Variants in RBMS3 observed in about 807,000 individuals in gnomAD.
RBMS3 encodes RNA-binding motif, single-stranded-interacting protein 3.
A neutral mutation model predicts 66.8 loss-of-function variants in RBMS3; 27 were observed. The ratio of observed to expected loss-of-function variants is 0.40; its 90% CI spans 0.30 to 0.56. The LOEUF is 0.56. RBMS3 is among the 20% of genes least tolerant of loss of function. RBMS3 has a pLI of 0.40. For synonymous variants in RBMS3, 188 were observed against 183.0 expected (o/e 1.03, Z -0.22); for missense variants, 513 against 549.5 (o/e 0.93, Z 0.66).
intron 1 of RBMS3, among the ~76,000 whole-genome samples, chr3:29,369,157 A>G (rs1297855822): frequency 3.9e-5 from 6 of 152,000 alleles, no homozygotes; most frequent in Non-Finnish European, 7.4e-5. Flanking sequence ...ACCGGGGCCT[A>G]CTTGAGAGTG....
intron 12 of RBMS3, among the ~76,000 whole-genome samples, chr3:29,981,653 G>C (rs189482910): frequency 6.6e-6 from 1 of 152,076 alleles, no homozygotes; most frequent in Non-Finnish European, 1.5e-5. Flanking sequence ...ATTGAATTTT[G>C]TTGAAGGCCT....
At chr3:29,956,013 A>G (rs1696017859) in intron 12 of RBMS3, among the ~76,000 whole-genome samples, 1 of 152,092 alleles carries the variant, frequency 6.6e-6, no homozygotes, top group Non-Finnish European at 1.5e-5. Context: ...AATTCTGGAA[A>G]TGGAAATGAC....
chr3:29,884,067 A>C, intron 7 of RBMS3, 95 bp from the exon 8 acceptor site: 1 of 1,059,690 alleles, frequency 9.4e-7, no homozygotes, highest in Non-Finnish European at 1.4e-6. Context: ...AGATCATGGA[A>C]AGTAATGATA....
At chr3:29,674,946 G>T (rs2051176567) in intron 4 of RBMS3, among the ~76,000 whole-genome samples, 1 of 152,130 alleles carries the variant, frequency 6.6e-6, no homozygotes, top group South Asian at 2.1e-4. Context: ...GCATTGCCAA[G>T]GCAATCCTAA....
chr3:29,684,476 A>G (rs1292505634), intron 4 of RBMS3, among the ~76,000 whole-genome samples: 1 of 152,150 alleles, frequency 6.6e-6, no homozygotes, highest in Non-Finnish European at 1.5e-5. Context: ...ATCAATTAAA[A>G]CCAACTGTGG....
chr3:29,465,483 A>G (rs1481683591), intron 2 of RBMS3, among the ~76,000 whole-genome samples: 1 of 150,648 alleles, frequency 6.6e-6, no homozygotes, highest in Non-Finnish European at 1.5e-5. Flanking sequence ...GACGGTCTTC[A>G]TTTATCTTTT....
intron 6 of RBMS3, among the ~76,000 whole-genome samples, chr3:29,853,322 T>A (rs1172263287): frequency 2.0e-5 from 3 of 151,678 alleles, no homozygotes; most frequent in Non-Finnish European, 2.9e-5. Context: ...AAATTAAATT[T>A]AAAAAACTTA....
chr3:29,657,156 A>G (rs907164844), intron 4 of RBMS3, among the ~76,000 whole-genome samples: 2 of 152,024 alleles, frequency 1.3e-5, no homozygotes. Context: ...AAGAAAGGGG[A>G]CCTGATTTTG....
At chr3:29,715,110 A>G (rs2053335926) in intron 4 of RBMS3, among the ~76,000 whole-genome samples, 1 of 152,128 alleles carries the variant, frequency 6.6e-6, no homozygotes, top group Non-Finnish European at 1.5e-5. Context: ...TTATGGTTTG[A>G]AGATATTTTC....
intron 8 of RBMS3, 63 bp downstream of exon 8, chr3:29,884,271 C>A: frequency 1.4e-6 from 2 of 1,445,628 alleles, no homozygotes; most frequent in Admixed American, 1.9e-5. Flanking sequence ...GAATCAACAT[C>A]AAAGAAAAAT....
intron 12 of RBMS3, among the ~76,000 whole-genome samples, chr3:29,981,072 G>T (rs1697952048): frequency 6.6e-6 from 1 of 152,080 alleles, no homozygotes; most frequent in Admixed American, 6.6e-5. Context: ...AGCATGGAAT[G>T]TTTTTTTCCA....
chr3:29,376,422 T>C (rs774371482), intron 1 of RBMS3, among the ~76,000 whole-genome samples: 35 of 152,240 alleles, frequency 2.3e-4, no homozygotes, highest in Non-Finnish European at 4.9e-4. Context: ...CCCCTATCCA[T>C]ATGTAAAGCA....
chr3:29,696,640 C>A (rs1020620157), intron 4 of RBMS3, among the ~76,000 whole-genome samples: 1 of 152,164 alleles, frequency 6.6e-6, no homozygotes, highest in Non-Finnish European at 1.5e-5. Context: ...TTGCTCAATT[C>A]ATAATATTTG....
At chr3:29,911,684 T>G (rs2060517664) in intron 10 of RBMS3, among the ~76,000 whole-genome samples, 1 of 152,102 alleles carries the variant, frequency 6.6e-6, no homozygotes, top group African/African-American at 2.4e-5. Context: ...GAATGCGTAG[T>G]GTCTCATCAT....
rs1699788641 is a variant in RBMS3 at position 30,005,736 on chromosome 3, TTTTTC to T, written c.*1878_*1882del. The stretch of plus-strand genomic sequence containing the variant: ...TGTATATTGGTGTTGCCGAAAGAAC[TTTTTC>T]TTTCAGTTTAATTCTTTGAGGCATG... On this transcript the variant is annotated 3_prime_UTR_variant, in exon 15 of 15. Transcript: ENST00000383767. 6.6e-6 allele frequency: 1 copy of T among 151,814 alleles called. No individual in the cohort carries two copies. The allele number at this position is 151,814 out of a possible 1,614,324, so 9.4% of individuals were successfully genotyped here. A position where few individuals can be genotyped will look rare whatever the true frequency, so the allele number is the denominator to read the frequency against.
At chr3:29,590,876 T>TA (rs1296919344) in intron 4 of RBMS3, among the ~76,000 whole-genome samples, 1 of 152,202 alleles carries the variant, frequency 6.6e-6, no homozygotes, top group Non-Finnish European at 1.5e-5. Context: ...CCCTGGCTTT[T>TA]ATGTCACACA....
intron 6 of RBMS3, among the ~76,000 whole-genome samples, chr3:29,783,395 T>A (rs764719173): frequency 3.3e-5 from 5 of 152,174 alleles, no homozygotes; most frequent in Non-Finnish European, 5.9e-5. Context: ...GTCCTATTTT[T>A]AGCATCCTTA....
At chr3:29,371,601 T>A (rs1339684390) in intron 1 of RBMS3, among the ~76,000 whole-genome samples, 2 of 152,228 alleles carry the variant, frequency 1.3e-5, no homozygotes, top group African/African-American at 4.8e-5. Flanking sequence ...TGTGAATATG[T>A]ATGAGTGTAT....
chr3:29,679,905 T>A (rs905184694), intron 4 of RBMS3, among the ~76,000 whole-genome samples: 6 of 143,666 alleles, frequency 4.2e-5, no homozygotes, highest in Non-Finnish European at 7.4e-5. Flanking sequence ...TGTTTTAGCA[T>A]GCCTGTCTAG....
Sources: allele counts gnomAD v4.1 joint callset (sites outside exome capture counted in the v4.1 genomes callset), GRCh38; gene constraint gnomAD v4.1.1; transcripts MANE v1.5; gene names NCBI Gene and HGNC (gene_info 2026-07-23, HGNC 2026-07-21).